The following BICC1 variants were observed in gnomAD, a reference collection of about 807,000 sequenced individuals.
BICC1 encodes protein bicaudal C homolog 1.
In BICC1, 43 loss-of-function variants were observed where a neutral mutation model predicts 111.0. The observed-to-expected ratio is 0.39, with a 90% CI of 0.30 to 0.50. The LOEUF (loss-of-function observed/expected upper bound fraction) is 0.50, where lower values mean the gene tolerates loss of function less well. Ranked by LOEUF, BICC1 falls within the 20% of genes least tolerant of loss-of-function variation. BICC1 has a pLI of 0.88. For synonymous variants in BICC1, 467 were observed against 434.4 expected, an observed-to-expected ratio of 1.07 and a Z score of -0.93; for missense variants, 1,091 against 1,203.2, an observed-to-expected ratio of 0.91 and a Z score of 1.38.
At chr10:58,769,404 G>GTGTGTGTATATA (rs1050060686) in intron 3 of BICC1, among the ~76,000 whole-genome samples, 10 of 109,744 alleles carry the variant, frequency 9.1e-5, no homozygotes, top group African/African-American at 2.2e-4. Context: ...GTGTGTGTGT[G>GTGTGTGTATATA]TATATATATA....
chr10:58,551,579 T>G (rs1380865703), intron 1 of BICC1, among the ~76,000 whole-genome samples: 1 of 152,202 alleles, frequency 6.6e-6, no homozygotes, highest in Non-Finnish European at 1.5e-5. Flanking sequence ...TGTGTACAGA[T>G]CTCTTGAACT....
At chr10:58,584,833 T>C (rs1385185430) in intron 1 of BICC1, among the ~76,000 whole-genome samples, 1 of 152,114 alleles carries the variant, frequency 6.6e-6, no homozygotes. Flanking sequence ...AAAATGGTTA[T>C]ACAACATTTT....
rs1844531459 is a variant in BICC1, at chr10:58,830,781, G to T, written c.*1890G>T. 3 of 152,174 alleles carry T rather than the reference G, an allele frequency of 2.0e-5. No individual in the cohort carries two copies. Among genetic ancestry groups the T allele is most frequent in the Non-Finnish European group, 4.4e-5 (3 of 68,028 alleles). The allele number at this position is 152,174 out of a possible 1,614,324, so 9.4% of individuals were successfully genotyped here. A position where few individuals can be genotyped will look rare whatever the true frequency, so the allele number is the denominator to read the frequency against. ...CCCTTTACTCATCCTGTGCATATGTGTACAAATGGTCATGTGGATCATGTG... is the reference window on the plus strand; with the variant it reads ...CCCTTTACTCATCCTGTGCATATGTTTACAAATGGTCATGTGGATCATGTG... On this transcript the variant is annotated 3_prime_UTR_variant, in exon 21 of 21. Coordinates refer to ENST00000373886, the MANE Select transcript of BICC1 (RefSeq NM_001080512.3).
At chr10:58,530,190 A>G (rs978838418) in intron 1 of BICC1, among the ~76,000 whole-genome samples, 3 of 151,868 alleles carry the variant, frequency 2.0e-5, no homozygotes, top group African/African-American at 7.2e-5. Context: ...AATGTACATC[A>G]TAGCCTGGGT....
chr10:58,681,413 C>G (rs901365613), intron 2 of BICC1, among the ~76,000 whole-genome samples: 6 of 152,144 alleles, frequency 3.9e-5, no homozygotes, highest in African/African-American at 1.4e-4. Context: ...AAAAGCTCAT[C>G]ATCACTGGTC....
chr10:58,686,934 T>C (rs1389046045), intron 2 of BICC1, among the ~76,000 whole-genome samples: 1 of 152,236 alleles, frequency 6.6e-6, no homozygotes, highest in Non-Finnish European at 1.5e-5. Flanking sequence ...CGCGTTCTTT[T>C]TGGAGAAGAG....
At chr10:58,789,218 A>G in intron 6 of BICC1, 44 bp from the exon 7 acceptor site, 1 of 1,519,480 alleles carries the variant, frequency 6.6e-7, no homozygotes, top group Non-Finnish European at 9.0e-7. Flanking sequence ...CTGAATGTCT[A>G]ATGCTTTAAC....
intron 1 of BICC1, among the ~76,000 whole-genome samples, chr10:58,584,932 T>C (rs1352711317): frequency 1.3e-5 from 2 of 152,208 alleles, no homozygotes; most frequent in African/African-American, 2.4e-5. Context: ...TTGTGTATTT[T>C]TGTTTTACTT....
At chr10:58,708,757 G>A (rs979063461) in intron 3 of BICC1, among the ~76,000 whole-genome samples, 3 of 152,162 alleles carry the variant, frequency 2.0e-5, no homozygotes, top group African/African-American at 7.2e-5. Context: ...AAGGAAAGGG[G>A]AAGATGGAGC....
At chr10:58,535,817 G>T (rs1370610649) in intron 1 of BICC1, among the ~76,000 whole-genome samples, 1 of 151,560 alleles carries the variant, frequency 6.6e-6, no homozygotes, top group Non-Finnish European at 1.5e-5. Flanking sequence ...CCAAATATCT[G>T]CTGTCTTCAG....
intron 3 of BICC1, among the ~76,000 whole-genome samples, chr10:58,764,928 A>G (rs867046177): frequency 2.5e-4 from 38 of 152,260 alleles, no homozygotes; most frequent in Non-Finnish European, 7.4e-5. Flanking sequence ...AAATTAGGAG[A>G]AAGTTTGAAT....
intron 1 of BICC1, among the ~76,000 whole-genome samples, chr10:58,604,629 C>G (rs1482896162): frequency 2.0e-5 from 3 of 152,152 alleles, no homozygotes; most frequent in Non-Finnish European, 4.4e-5. Context: ...CCGCTGCACT[C>G]CAGCCTGGGT....
chr10:58,780,147 TGAAAC>T (rs1355179456), intron 3 of BICC1, among the ~76,000 whole-genome samples: 2 of 152,152 alleles, frequency 1.3e-5, no homozygotes, highest in African/African-American at 4.8e-5. Flanking sequence ...GAAATTAACT[TGAAAC>T]AAACGTGAAA....
At chr10:58,574,371 T>C (rs1425457271) in intron 1 of BICC1, among the ~76,000 whole-genome samples, 2 of 152,148 alleles carry the variant, frequency 1.3e-5, no homozygotes, top group African/African-American at 2.4e-5. Context: ...GACACGTGGC[T>C]ACCAGAGAAC....
intron 1 of BICC1, among the ~76,000 whole-genome samples, chr10:58,592,188 A>C (rs985781945): frequency 6.6e-6 from 1 of 152,166 alleles, no homozygotes; most frequent in African/African-American, 2.4e-5. Context: ...ATGTGTTGTG[A>C]TGAGAAATAA....
chr10:58,545,457 A>G (rs1843112558), intron 1 of BICC1, among the ~76,000 whole-genome samples: 1 of 152,114 alleles, frequency 6.6e-6, no homozygotes, highest in South Asian at 2.1e-4. Context: ...TTTTTCTTTT[A>G]TTCAGGAGTC....
In BICC1 at chr10:58,789,639, A is replaced by G. The variant is rs775797692; in HGVS notation, c.796-43A>G. On this transcript the variant is annotated intron_variant, in intron 7 of 20. Transcript: ENST00000373886. ...ATAGAATCTTTCCCCGTATATGAAC[A>G]GTTAATGTATAGGATTATTTCTTTC... 53 of 1,605,130 alleles carry G rather than the reference A, an allele frequency of 3.3e-5. No individual in the cohort carries two copies. In the Admixed American group the frequency reaches 8.9e-4, roughly 27 times the overall value.
chr10:58,583,810 A>C (rs919741295), intron 1 of BICC1, among the ~76,000 whole-genome samples: 3 of 152,128 alleles, frequency 2.0e-5, no homozygotes, highest in Non-Finnish European at 4.4e-5. Flanking sequence ...TGCTGGATCA[A>C]ATTGTAGATC....
At chr10:58,617,324 A>G (rs1845650762) in intron 1 of BICC1, among the ~76,000 whole-genome samples, 2 of 152,128 alleles carry the variant, frequency 1.3e-5, no homozygotes, top group South Asian at 4.1e-4. Flanking sequence ...TGTGGTGCCT[A>G]CTTGGAGCAG....
Sources: gnomAD v4.1 joint callset for allele counts (sites outside exome capture counted in the v4.1 genomes callset) on GRCh38, gnomAD v4.1.1 for gene constraint, MANE v1.5 for transcripts, NCBI Gene and HGNC (gene_info 2026-07-23, HGNC 2026-07-21) for gene names.